The following MGAT4C variants were observed in gnomAD, a reference collection of about 807,000 sequenced individuals.
The protein encoded by MGAT4C is MGAT4 family member C, also known as alpha-1,3-mannosyl-glycoprotein 4-beta-N-acetylglucosaminyltransferase C.
Under a neutral mutation model 40.1 loss-of-function variants are expected in MGAT4C, and 19 were observed. The ratio of observed to expected loss-of-function variants is 0.47; its 90% CI spans 0.33 to 0.70. The LOEUF is 0.70. MGAT4C is among the 30% of genes least tolerant of loss of function. The probability of loss-of-function intolerance (pLI) is 0.02; values close to 1 mark genes in which losing one functional copy is unlikely to be tolerated. For synonymous variants in MGAT4C, 181 were observed against 187.1 expected (o/e 0.97, Z 0.27); for missense variants, 491 against 563.2 (o/e 0.87, Z 1.30).
intron 1 of MGAT4C, among the ~76,000 whole-genome samples, chr12:86,080,135 T>C (rs550548615): frequency 3.3e-5 from 5 of 152,234 alleles, no homozygotes; most frequent in African/African-American, 1.2e-4. Context: ...CATCTGTTTA[T>C]CTCATTTTCG....
chr12:86,750,733 A>C (rs1284949876), intron 1 of MGAT4C, among the ~76,000 whole-genome samples: 1 of 151,960 alleles, frequency 6.6e-6, no homozygotes, highest in Non-Finnish European at 1.5e-5. Flanking sequence ...TTGCAAGTCG[A>C]TATAGAACAA....
rs1028269133 is a variant in MGAT4C, at chr12:85,977,912, C to T, written c.*1377G>A. The T allele has an allele frequency of 6.6e-6, 1 of 150,836 alleles. No individual in the cohort carries two copies. The highest frequency in any genetic ancestry group is 2.4e-5 in the African/African-American group (1 of 41,098). 9.3% of individuals were successfully genotyped at this position (150,836 alleles called of 1,614,324 possible). A position where few individuals can be genotyped will look rare whatever the true frequency, so the allele number is the denominator to read the frequency against. Reference sequence around the variant, plus strand: ...TTCCATTTCCCTTTATAATAAATCCCTTAGTTTTTGCTGTTCATTAAAAAA... The same window carrying T: ...TTCCATTTCCCTTTATAATAAATCCTTTAGTTTTTGCTGTTCATTAAAAAA... On this transcript the variant is annotated 3_prime_UTR_variant, in exon 5 of 5. Coordinates refer to ENST00000611864, the MANE Select transcript of MGAT4C (RefSeq NM_001351288.2).
At position 86,073,107 on chromosome 12, in the gene MGAT4C, G is replaced by C. The variant is rs111533535; in HGVS notation, c.-56-23384C>G. Reference sequence around the variant, plus strand: ...GGTGGGAGACAATTGAATCATGGGGGTGGTTTTCCTCACACTGTTGTTGTG... The same window carrying C: ...GGTGGGAGACAATTGAATCATGGGGCTGGTTTTCCTCACACTGTTGTTGTG... On this transcript the variant is annotated intron_variant, in intron 1 of 4. Coordinates refer to ENST00000611864, the MANE Select transcript of MGAT4C (RefSeq NM_001351288.2). 4.9e-3 allele frequency among the ~76,000 whole-genome samples: 745 copies of C among 152,220 alleles called. 8 individuals are homozygous for C. The highest frequency in any genetic ancestry group is 0.017 in the African/African-American group (713 of 41,534).
At chr12:86,402,632 A>G (rs1956390046) in intron 3 of MGAT4C, among the ~76,000 whole-genome samples, 1 of 152,142 alleles carries the variant, frequency 6.6e-6, no homozygotes, top group Admixed American at 6.6e-5. Flanking sequence ...TCTTCTTGAC[A>G]ATAAACAATA....
At chr12:86,822,908 G>C (rs746184304) in intron 1 of MGAT4C, among the ~76,000 whole-genome samples, 4 of 150,988 alleles carry the variant, frequency 2.6e-5, no homozygotes, top group African/African-American at 4.8e-5. Flanking sequence ...AATTATGTTA[G>C]GTTAGAAAAT....
chr12:86,377,204 C>A (rs925439123), intron 3 of MGAT4C, among the ~76,000 whole-genome samples: 5 of 151,872 alleles, frequency 3.3e-5, no homozygotes, highest in African/African-American at 1.2e-4. Flanking sequence ...GGATTACAGG[C>A]ATTCGCCACC....
intron 3 of MGAT4C, among the ~76,000 whole-genome samples, chr12:86,393,108 C>T (rs551146106): frequency 9.4e-4 from 143 of 152,156 alleles, no homozygotes; most frequent in African/African-American, 3.4e-3. Flanking sequence ...TGAAAAATTA[C>T]TCTAAAAATA....
At chr12:86,675,922 A>C (rs1443893759) in intron 2 of MGAT4C, among the ~76,000 whole-genome samples, 1 of 151,784 alleles carries the variant, frequency 6.6e-6, no homozygotes, top group Non-Finnish European at 1.5e-5. Flanking sequence ...ATTAGGTCTT[A>C]GTTCTATCTA....
intron 1 of MGAT4C, among the ~76,000 whole-genome samples, chr12:86,789,201 A>G (rs959858599): frequency 7.2e-5 from 11 of 152,132 alleles, no homozygotes; most frequent in Non-Finnish European, 1.2e-4. Context: ...GCTACTAATA[A>G]TAGCTGAAAT....
At chr12:86,034,306 G>A (rs1366029140) in intron 2 of MGAT4C, among the ~76,000 whole-genome samples, 3 of 149,204 alleles carry the variant, frequency 2.0e-5, no homozygotes, top group Non-Finnish European at 4.5e-5. Flanking sequence ...TCAAATTTTT[G>A]GAATAGTTTC....
At chr12:86,638,394 T>C (rs186648086) in intron 2 of MGAT4C, among the ~76,000 whole-genome samples, 1 of 151,984 alleles carries the variant, frequency 6.6e-6, no homozygotes, top group Admixed American at 6.6e-5. Context: ...CTGTGCTCTA[T>C]TCAAATTCAC....
Position 86,209,270 on chromosome 12 carries a change from G to T in MGAT4C, c.-57+46969C>A, listed in dbSNP as rs188312601. Among the ~76,000 whole-genome samples the T allele has an allele frequency of 3.5e-3, 532 of 151,862 alleles. 3 individuals carry two copies. The highest frequency in any genetic ancestry group is 8.1e-3 in the Admixed American group (124 of 15,272). On this transcript the variant is annotated intron_variant, in intron 1 of 4. Coordinates refer to ENST00000611864, the MANE Select transcript of MGAT4C (RefSeq NM_001351288.2). ...TATTTGCAAGAATTATATAATTAAA[G>T]AATTACATTGTGTTAAAGTTGGATA... is the stretch of plus-strand genomic sequence containing the variant.
chr12:86,002,896 G>A (rs1887488822), intron 2 of MGAT4C, among the ~76,000 whole-genome samples: 1 of 152,038 alleles, frequency 6.6e-6, no homozygotes, highest in South Asian at 2.1e-4. Flanking sequence ...GGATTCCTGA[G>A]TTCAAGGGAT....
At chr12:86,539,358 C>T (rs1199615487) in intron 2 of MGAT4C, among the ~76,000 whole-genome samples, 1 of 152,208 alleles carries the variant, frequency 6.6e-6, no homozygotes, top group Non-Finnish European at 1.5e-5. Flanking sequence ...ATGAACTCAT[C>T]ATTTTTTATG....
intron 3 of MGAT4C, among the ~76,000 whole-genome samples, chr12:86,345,228 T>C (rs911549437): frequency 5.3e-5 from 8 of 152,070 alleles, no homozygotes; most frequent in Admixed American, 5.2e-4. Context: ...TGTTTGCTTA[T>C]TTTTTATGCT....
At position 86,505,656 on chromosome 12, in the gene MGAT4C, T is replaced by C. The variant is rs556824738; in HGVS notation, c.-228-70391A>G. On this transcript the variant is annotated intron_variant, in intron 2 of 7. Transcript: ENST00000548651. ...GTAGCTAAGGAAGTTATTTAACACA[T>C]TTAATAATTTTAAAGAAAATGAGTA... Among the ~76,000 whole-genome samples, 4 of 152,334 alleles carry C rather than the reference T, an allele frequency of 2.6e-5. No individual in the cohort carries two copies. The South Asian group carries it at 6.2e-4, about 24-fold the overall frequency.
chr12:86,413,670 G>C (rs1956649544), intron 3 of MGAT4C, among the ~76,000 whole-genome samples: 1 of 152,146 alleles, frequency 6.6e-6, no homozygotes, highest in African/African-American at 2.4e-5. Context: ...AGATTTGTTA[G>C]AGTAATTTTT....
intron 2 of MGAT4C, among the ~76,000 whole-genome samples, chr12:86,688,047 T>C (rs550461988): frequency 5.9e-5 from 9 of 152,248 alleles, no homozygotes; most frequent in Non-Finnish European, 8.8e-5. Context: ...TTTAGGATAG[T>C]TAGTTCTTCT....
chr12:86,723,388 C>G (rs1057041379), intron 2 of MGAT4C, among the ~76,000 whole-genome samples: 11 of 152,118 alleles, frequency 7.2e-5, no homozygotes, highest in Non-Finnish European at 1.3e-4. Flanking sequence ...TATTGTCTCA[C>G]AATTCTGGAG....
Sources: allele counts gnomAD v4.1 joint callset (sites outside exome capture counted in the v4.1 genomes callset), GRCh38; gene constraint gnomAD v4.1.1; transcripts MANE v1.5; gene names NCBI Gene and HGNC (gene_info 2026-07-23, HGNC 2026-07-21).